Variants in PPP3R1 observed in about 807,000 individuals in gnomAD.
PPP3R1 encodes calcineurin subunit B type 1.
Under a neutral mutation model 22.6 loss-of-function variants are expected in PPP3R1, and 5 were observed. The observed-to-expected ratio is 0.22, with a 90% CI of 0.12 to 0.46. PPP3R1 has a LOEUF of 0.46. Among genes scored for constraint, PPP3R1 ranks in the 20% least tolerant of loss-of-function variants. The probability of loss-of-function intolerance (pLI) is 0.99; values close to 1 mark genes in which losing one functional copy is unlikely to be tolerated. For missense variants in PPP3R1, 61 were observed against 203.2 expected (o/e 0.30, Z 4.25); for synonymous variants, 56 against 65.2 (o/e 0.86, Z 0.68).
intron 1 of PPP3R1, among the ~76,000 whole-genome samples, chr2:68,249,327 G>A (rs76681262): frequency 0.043 from 6,516 of 151,354 alleles, 439 homozygotes; most frequent in African/African-American, 0.15. Flanking sequence ...AGTGGCCTTT[G>A]CCACAGAATC....
intron 1 of PPP3R1, among the ~76,000 whole-genome samples, chr2:68,221,164 C>T (rs966208442): frequency 1.3e-5 from 2 of 152,078 alleles, no homozygotes. Context: ...AAATCTGTCT[C>T]TACAAAAAAT....
intron 2 of PPP3R1, among the ~76,000 whole-genome samples, chr2:68,211,955 C>T (rs995037462): frequency 4.6e-5 from 7 of 152,126 alleles, no homozygotes; most frequent in African/African-American, 1.7e-4. Flanking sequence ...AGCCCTGAAC[C>T]CCTCAAAATC....
chr2:68,252,112 G>T lies in PPP3R1; in HGVS notation c.3+13C>A. 1.4e-6 allele frequency: 2 copies of T among 1,435,980 alleles called. No individual in the cohort carries two copies. Among genetic ancestry groups the T allele is most frequent in the South Asian group, 1.3e-5 (1 of 74,884 alleles). The allele number at this position is 1,435,980 out of a possible 1,614,324, so 89.0% of individuals were successfully genotyped here. A position where few individuals can be genotyped will look rare whatever the true frequency, so the allele number is the denominator to read the frequency against. On this transcript the variant is annotated intron_variant, in intron 1 of 5. Transcript: ENST00000234310. ...GGGGGAGGGATGGTGCATCGAGGAAGCCAAGGTCTCACCATTTTGCTCGGC... is the reference window on the plus strand; with the variant it reads ...GGGGGAGGGATGGTGCATCGAGGAATCCAAGGTCTCACCATTTTGCTCGGC...
intron 2 of PPP3R1, among the ~76,000 whole-genome samples, chr2:68,194,126 CAAAATATT>C (rs1203726508): frequency 6.6e-5 from 10 of 151,962 alleles, no homozygotes; most frequent in African/African-American, 1.9e-4. Context: ...TTATATTAGA[CAAAATATT>C]AAAATAATCT....
At chr2:68,217,278 T>A (rs1439577386) in intron 1 of PPP3R1, 147 bp from the exon 2 acceptor site, 1 of 530,748 alleles carries the variant, frequency 1.9e-6, no homozygotes, top group Non-Finnish European at 3.4e-6. Context: ...TTTATATTTT[T>A]AAAAAATAAG....
chr2:68,185,102 C>T (rs1270021221), intron 5 of PPP3R1, among the ~76,000 whole-genome samples: 2 of 151,734 alleles, frequency 1.3e-5, no homozygotes, highest in African/African-American at 4.8e-5. Context: ...GCCTGTAATC[C>T]CAGCTACTCA....
intron 2 of PPP3R1, among the ~76,000 whole-genome samples, chr2:68,198,437 GTGTATA>G (rs1674878160): frequency 6.8e-6 from 1 of 146,576 alleles, no homozygotes; most frequent in Non-Finnish European, 1.5e-5. Context: ...ATATATGCGT[GTGTATA>G]TATGTATATA....
intron 1 of PPP3R1, 127 bp from the exon 2 acceptor site, chr2:68,217,258 A>T (rs1669598141): frequency 1.8e-6 from 1 of 545,338 alleles, no homozygotes; most frequent in African/African-American, 1.9e-5. Context: ...GACCACATAT[A>T]TAAATTACAT....
intron 2 of PPP3R1, among the ~76,000 whole-genome samples, chr2:68,203,960 T>C (rs1236000306): frequency 6.6e-6 from 1 of 152,160 alleles, no homozygotes; most frequent in African/African-American, 2.4e-5. Flanking sequence ...GATAAAAGAT[T>C]TAATCTTTCA....
intron 1 of PPP3R1, among the ~76,000 whole-genome samples, chr2:68,227,280 G>A (rs1287051560): frequency 2.0e-5 from 3 of 151,874 alleles, no homozygotes; most frequent in Non-Finnish European, 2.9e-5. Flanking sequence ...TAAAAATGTT[G>A]AATAACATGA....
intron 2 of PPP3R1, among the ~76,000 whole-genome samples, chr2:68,206,313 G>A (rs1675124636): frequency 1.3e-5 from 2 of 152,252 alleles, no homozygotes; most frequent in South Asian, 2.1e-4. Context: ...ACAGGGGAAG[G>A]GCTAACCATG....
intron 2 of PPP3R1, among the ~76,000 whole-genome samples, chr2:68,199,324 C>T (rs1179041416): frequency 6.6e-6 from 1 of 152,108 alleles, no homozygotes; most frequent in East Asian, 1.9e-4. Flanking sequence ...GTATATTATC[C>T]TTGTATCCTA....
At chr2:68,184,169 T>C (rs1443423144) in intron 5 of PPP3R1, among the ~76,000 whole-genome samples, 2 of 152,274 alleles carry the variant, frequency 1.3e-5, no homozygotes, top group South Asian at 4.1e-4. Flanking sequence ...GGGAAGGCGA[T>C]CTTGTGTGTT....
intron 2 of PPP3R1, among the ~76,000 whole-genome samples, chr2:68,201,727 T>C (rs1417365714): frequency 2.0e-5 from 3 of 152,216 alleles, no homozygotes; most frequent in African/African-American, 7.2e-5. Context: ...AATGTCTTTT[T>C]TTGTTCTCAC....
At chr2:68,240,532 G>A (rs1670102954) in intron 1 of PPP3R1, among the ~76,000 whole-genome samples, 1 of 152,186 alleles carries the variant, frequency 6.6e-6, no homozygotes. Context: ...AATCAATTAT[G>A]TGCTACAAAG....
chr2:68,195,353 G>T (rs1674746311), intron 2 of PPP3R1, among the ~76,000 whole-genome samples: 1 of 152,080 alleles, frequency 6.6e-6, no homozygotes, highest in South Asian at 2.1e-4. Context: ...CCACAGAAAT[G>T]ATATTGTGTC....
At chr2:68,216,401 C>A (rs2103769966) in intron 2 of PPP3R1, among the ~76,000 whole-genome samples, 1 of 151,880 alleles carries the variant, frequency 6.6e-6, no homozygotes, top group South Asian at 2.1e-4. Flanking sequence ...AGAGAATCAC[C>A]CCTACCCCTC....
intron 2 of PPP3R1, among the ~76,000 whole-genome samples, chr2:68,200,609 G>C (rs926182623): frequency 1.3e-5 from 2 of 152,196 alleles, no homozygotes; most frequent in Non-Finnish European, 2.9e-5. Context: ...TATAAAGCTT[G>C]ATGACAAAGT....
chr2:68,204,878 G>A (rs1675078771), intron 2 of PPP3R1, among the ~76,000 whole-genome samples: 1 of 152,132 alleles, frequency 6.6e-6, no homozygotes, highest in Non-Finnish European at 1.5e-5. Context: ...CTTTATGCCA[G>A]GCATTATGCT....
Sources: gnomAD v4.1 joint callset for allele counts (sites outside exome capture counted in the v4.1 genomes callset) on GRCh38, gnomAD v4.1.1 for gene constraint, MANE v1.5 for transcripts, NCBI Gene and HGNC (gene_info 2026-07-23, HGNC 2026-07-21) for gene names.